The following CRACDL variants were observed in gnomAD, a reference collection of about 807,000 sequenced individuals.
The protein encoded by CRACDL is CRACD-like protein.
Under a neutral mutation model 70.6 loss-of-function variants are expected in CRACDL, and 26 were observed. The ratio of observed to expected loss-of-function variants is 0.37; its 90% confidence interval spans 0.27 to 0.51. The LOEUF is 0.51. Among genes scored for constraint, CRACDL ranks in the 20% least tolerant of loss-of-function variants. The pLI is 0.94. For missense variants in CRACDL, 1,283 were observed against 1,376.9 expected, an observed-to-expected ratio of 0.93 and a Z score of 1.08; for synonymous variants, 618 against 615.2, an observed-to-expected ratio of 1.00 and a Z score of -0.07.
intron 2 of CRACDL, among the ~76,000 whole-genome samples, chr2:98,841,617 T>A (rs1381758413): frequency 6.6e-6 from 1 of 152,174 alleles, no homozygotes; most frequent in Non-Finnish European, 1.5e-5. Context: ...ACTAGGAAGA[T>A]CTTCCTTTGG....
At position 98,823,647 on chromosome 2, in the gene CRACDL, A is replaced by AATTT; in HGVS notation, c.736-111_736-110insAAAT. On this transcript the variant is annotated intron_variant, in intron 6 of 9. Transcript: ENST00000397899. The surrounding 1 kb of genome is among the most constrained non-coding windows in gnomAD (Gnocchi z 4.0). ...ATGGTTTAGTGATAGCAGCACTATA[A>AATTT]AGCTGGCACTTAAGTAGGCATGTAC... The AATTT allele has an allele frequency of 5.2e-6, 7 of 1,354,762 alleles. No individual in the cohort carries two copies. The highest frequency in any genetic ancestry group is 5.1e-6 in the Non-Finnish European group (5 of 986,442). 83.9% of individuals were successfully genotyped at this position (1,354,762 alleles called of 1,614,324 possible).
chr2:98,852,077 G>C (rs1706503977), intron 1 of CRACDL, among the ~76,000 whole-genome samples: 1 of 152,126 alleles, frequency 6.6e-6, no homozygotes, highest in Non-Finnish European at 1.5e-5. Flanking sequence ...ATAATCTTAT[G>C]GGCTTGATGA....
At chr2:98,811,575 A>C (rs1704565704) in intron 7 of CRACDL, among the ~76,000 whole-genome samples, 1 of 151,546 alleles carries the variant, frequency 6.6e-6, no homozygotes, top group Non-Finnish European at 1.5e-5. Context: ...AGTAAAATTC[A>C]CCCTTTGGTT....
At chr2:98,814,224 C>G (rs1211918946) in intron 7 of CRACDL, among the ~76,000 whole-genome samples, 1 of 150,850 alleles carries the variant, frequency 6.6e-6, no homozygotes, top group South Asian at 2.1e-4. Context: ...GTTTGCTTTT[C>G]TTTTTCTAGT....
chr2:98,873,450 G>A (rs1472174564), intron 1 of CRACDL, among the ~76,000 whole-genome samples: 3 of 152,168 alleles, frequency 2.0e-5, no homozygotes, highest in African/African-American at 7.2e-5. Context: ...ATGTAGCAAT[G>A]CACAACCCAC....
At chr2:98,934,676 G>A (rs1012786628) in intron 1 of CRACDL, among the ~76,000 whole-genome samples, 44 of 152,168 alleles carry the variant, frequency 2.9e-4, no homozygotes, top group African/African-American at 1.0e-3. Flanking sequence ...AACTTGACTC[G>A]TGGAGGAGGT....
chr2:98,919,835 C>T (rs1708757159), intron 1 of CRACDL, among the ~76,000 whole-genome samples: 1 of 152,166 alleles, frequency 6.6e-6, no homozygotes, highest in Non-Finnish European at 1.5e-5. Context: ...TCACTGCAGC[C>T]TTGAAGTCCT....
Position 98,892,848 on chromosome 2 carries a change from C to T in CRACDL, c.-11+43090G>A, listed in dbSNP as rs951708701. Among the ~76,000 whole-genome samples, 25 of 152,132 alleles carry T rather than the reference C, an allele frequency of 1.6e-4. 3 individuals are homozygous for T. The highest frequency in any genetic ancestry group is 1.2e-3 in the Admixed American group (19 of 15,272). The stretch of plus-strand genomic sequence containing the variant: ...GTGATAGACCCAGCTGGACTCCTTA[C>T]GGTGAAAGCAGAAACCCACTGCACC... On this transcript the variant is annotated intron_variant, in intron 1 of 9. Coordinates refer to ENST00000397899, the MANE Select transcript of CRACDL (RefSeq NM_207362.3).
Position 98,866,951 on chromosome 2 carries a change from T to C in CRACDL, c.-10-20141A>G, listed in dbSNP as rs1315320210. On this transcript the variant is annotated intron_variant, in intron 1 of 9. Coordinates refer to ENST00000397899, the MANE Select transcript of CRACDL (RefSeq NM_207362.3). The stretch of plus-strand genomic sequence containing the variant: ...CATCTACCCTATAGCCACACAGAGC[T>C]GAAGTCTGCTGGGCTTTGCAGACCC... Among the ~76,000 whole-genome samples the C allele has an allele frequency of 2.6e-5, 4 of 152,178 alleles. No individual in the cohort carries two copies. In the East Asian group the frequency reaches 7.7e-4, roughly 29 times the overall value.
chr2:98,843,708 TTCTG>T (rs1706131564), intron 2 of CRACDL, among the ~76,000 whole-genome samples: 1 of 152,226 alleles, frequency 6.6e-6, no homozygotes, highest in African/African-American at 2.4e-5. Flanking sequence ...CTCTACTCCC[TTCTG>T]TCTCTGTGTA....
At chr2:98,867,039 T>C (rs947314676) in intron 1 of CRACDL, among the ~76,000 whole-genome samples, 1 of 152,126 alleles carries the variant, frequency 6.6e-6, no homozygotes, top group Non-Finnish European at 1.5e-5. Context: ...CCTGGTTTAC[T>C]TCCCCAGGCT....
At chr2:98,930,689 C>T (rs1311529713) in intron 1 of CRACDL, among the ~76,000 whole-genome samples, 2 of 152,146 alleles carry the variant, frequency 1.3e-5, no homozygotes, top group Non-Finnish European at 2.9e-5. Flanking sequence ...CACATGACAG[C>T]TTCCACCAGC....
rs968405251 is a variant in CRACDL at position 98,900,837 on chromosome 2, C to T, written c.-11+35101G>A. Among the ~76,000 whole-genome samples, 5 of 152,268 alleles carry T rather than the reference C, an allele frequency of 3.3e-5. No homozygotes were observed. In the Middle Eastern group the frequency reaches 0.01, roughly 311 times the overall value. On this transcript the variant is annotated intron_variant, in intron 1 of 9. Transcript: ENST00000397899. ...ATCTGGCCACTCCACTCCACAGCCT[C>T]GTTGGGCAGAGCAGATCAGTCACAG...
At chr2:98,869,971 C>A (rs925883) in intron 1 of CRACDL, among the ~76,000 whole-genome samples, 2,558 of 152,224 alleles carry the variant, frequency 0.017, 188 homozygotes, top group Admixed American at 0.11. Flanking sequence ...GGGGCCACAC[C>A]CTCCCAAAAA....
chr2:98,815,479 T>C lies in CRACDL; in HGVS notation c.2416+6378A>G, dbSNP rs918092578. Reference sequence around the variant, plus strand: ...GCCAAGGTTTAGCCTCTCTGCACTGTAGCACCTTCTTGTGACTGGGACCAC... The same window carrying C: ...GCCAAGGTTTAGCCTCTCTGCACTGCAGCACCTTCTTGTGACTGGGACCAC... On this transcript the variant is annotated intron_variant, in intron 7 of 9. Transcript: ENST00000397899. 2.0e-5 allele frequency among the ~76,000 whole-genome samples: 3 copies of C among 152,240 alleles called. No individual in the cohort carries two copies. The East Asian group carries it at 5.8e-4, about 29-fold the overall frequency.
At chr2:98,817,148 A>G (rs1704814608) in intron 7 of CRACDL, among the ~76,000 whole-genome samples, 1 of 152,208 alleles carries the variant, frequency 6.6e-6, no homozygotes, top group African/African-American at 2.4e-5. Context: ...AATCTAAAAT[A>G]GTCAAATTCA....
At chr2:98,866,475 C>T (rs67735819) in intron 1 of CRACDL, among the ~76,000 whole-genome samples, 4,184 of 42,794 alleles carry the variant, frequency 0.098, 258 homozygotes, top group Middle Eastern at 0.18. Flanking sequence ...ATCACTTCTT[C>T]TTTTTTTTTT....
At chr2:98,875,429 CTG>C (rs1707464077) in intron 1 of CRACDL, among the ~76,000 whole-genome samples, 1 of 152,356 alleles carries the variant, frequency 6.6e-6, no homozygotes, top group African/African-American at 2.4e-5. Flanking sequence ...ATCTCAGACA[CTG>C]TGCTCCTCAC....
intron 1 of CRACDL, among the ~76,000 whole-genome samples, chr2:98,910,573 C>T (rs1299834953): frequency 1.4e-5 from 2 of 144,120 alleles, no homozygotes; most frequent in African/African-American, 5.2e-5. Flanking sequence ...AATAATGCTC[C>T]TTGTTTCCCA....
Sources: allele counts gnomAD v4.1 joint callset (sites outside exome capture counted in the v4.1 genomes callset), GRCh38; gene constraint gnomAD v4.1.1; non-coding constraint Gnocchi (gnomAD v3.1); transcripts MANE v1.5; gene names NCBI Gene and HGNC (gene_info 2026-07-23, HGNC 2026-07-21).